Variants in L1TD1 observed in about 807,000 individuals in gnomAD.
L1TD1 encodes the protein LINE1 type transposase domain containing 1.
Under a neutral mutation model 25.7 loss-of-function variants are expected in L1TD1, and 26 were observed. The ratio of observed to expected loss-of-function variants is 1.01; its 90% CI spans 0.74 to 1.40. The LOEUF is 1.40. L1TD1 is among the 40% of genes most tolerant of loss of function. The pLI is 0.00. For synonymous variants in L1TD1, 421 were observed against 335.6 expected (o/e 1.25, Z -2.78); for missense variants, 1,130 against 975.0 (o/e 1.16, Z -2.12).
chr1:62,211,291 A>AT lies in L1TD1; in HGVS notation c.2520dup (p.Leu841SerfsTer2). 1 of 1,613,102 alleles carries AT rather than the reference A, an allele frequency of 6.2e-7. No individual in the cohort carries two copies. Among genetic ancestry groups the AT allele is most frequent in the Non-Finnish European group, 8.5e-7 (1 of 1,179,578 alleles). On this transcript the variant is annotated frameshift_variant, in exon 4 of 4. Coordinates refer to ENST00000498273, the MANE Select transcript of L1TD1 (RefSeq NM_019079.5). LOFTEE classifies it low-confidence loss of function (END_TRUNC). ...TTGATTTTAGGGGTAAAACAAAGGT[A>AT]TTTCTTAGTATTGAAGAATTTAGAG...
Position 62,211,854 on chromosome 1 carries a change from A to C in L1TD1, c.*482A>C, listed in dbSNP as rs1353496353. 6 of 152,978 alleles carry C rather than the reference A, an allele frequency of 3.9e-5. No individual in the cohort carries two copies. The highest frequency in any genetic ancestry group is 3.9e-4 in the Admixed American group (6 of 15,386). The allele number at this position is 152,978 out of a possible 1,614,324, so 9.5% of individuals were successfully genotyped here. On this transcript the variant is annotated 3_prime_UTR_variant, in exon 4 of 4. Transcript: ENST00000498273. Reference sequence around the variant, plus strand: ...GTGGCGGGCGCCTGTAGTCCCAGCTACTTGGGAGGCTGAGGCAGGAGAATG... The same window carrying C: ...GTGGCGGGCGCCTGTAGTCCCAGCTCCTTGGGAGGCTGAGGCAGGAGAATG...
In L1TD1 at chr1:62,207,549, TTC is replaced by T. The variant is rs1403762352; in HGVS notation, c.923_924del (p.Ser308CysfsTer30). 91 of 1,551,150 alleles carry T rather than the reference TTC, an allele frequency of 5.9e-5. No homozygotes were observed. The highest frequency in any genetic ancestry group is 7.4e-5 in the Non-Finnish European group (85 of 1,146,898). ...TTAGAAAATTTGCCAGCCAAAAATCTTCTGTGAAAGAATTACTGAAAGATGTA... is the reference window on the plus strand; with the variant it reads ...TTAGAAAATTTGCCAGCCAAAAATCTTGTGAAAGAATTACTGAAAGATGTA... ...SLRKFASQKS[S>X]VKELLKDVLP... On this transcript the variant is annotated frameshift_variant, in exon 3 of 4. Transcript: ENST00000498273. LOFTEE classifies it high-confidence loss of function.
chr1:62,211,365 T>A lies in L1TD1; in HGVS notation c.2591T>A (p.Ile864Lys), dbSNP rs149332678. 1.2e-6 allele frequency: 2 copies of A among 1,601,536 alleles called. No individual in the cohort carries two copies. Among genetic ancestry groups the A allele is most frequent in the South Asian group, 1.1e-5 (1 of 88,554 alleles). The change falls in exon 4 of 4, where the codon ATA becomes AAA. Residue 864 changes from isoleucine (I) to lysine (K), a missense_variant. By Grantham distance (102) the Ile-to-Lys change is moderately radical (BLOSUM62 -3). Transcript: ENST00000498273. ...TTGAGAGAATTACTGGGGAATAATA[T>A]ACCTTAGCACGCCAGGGTGACTACA... Reference protein sequence around the residue: ...PTLRELLGNNIP With the variant: ...PTLRELLGNNKP
intron 2 of L1TD1, among the ~76,000 whole-genome samples, chr1:62,197,294 G>A (rs1313244742): frequency 2.6e-5 from 4 of 151,268 alleles, no homozygotes; most frequent in Admixed American, 6.6e-5. Context: ...GGCTGAGGCA[G>A]GAGAATCGCT....
rs1557443556 is a variant in L1TD1 at position 62,205,428 on chromosome 1, TA to T, written c.-110-1090del. On this transcript the variant is annotated intron_variant, in intron 2 of 3. Transcript: ENST00000498273. The stretch of plus-strand genomic sequence containing the variant: ...CTCTCTCTCTCTCTCTATATATATA[TA>T]TATATATATATATATTTTTTTTTAG... 4.5e-4 allele frequency among the ~76,000 whole-genome samples: 32 copies of T among 71,038 alleles called. 2 individuals carry two copies. The highest frequency in any genetic ancestry group is 1.3e-3 in the African/African-American group (25 of 19,736). The allele number at this position is 71,038 out of a possible 152,430, so 46.6% of individuals were successfully genotyped here.
At chr1:62,195,113 G>C (rs1213112544) in intron 1 of L1TD1, among the ~76,000 whole-genome samples, 192 bp downstream of exon 1, 1 of 151,558 alleles carries the variant, frequency 6.6e-6, no homozygotes, top group African/African-American at 2.4e-5. Flanking sequence ...GGGGTCCGCA[G>C]CGCCCCAAGT....
At chr1:62,206,488 G>A in intron 2 of L1TD1, 31 bp from the exon 3 acceptor site, 1 of 830,272 alleles carries the variant, frequency 1.2e-6, no homozygotes, top group Non-Finnish European at 1.7e-6. Flanking sequence ...GAATTCTTTA[G>A]TAAGTAATTT....
Position 62,206,552 on chromosome 1 carries a change from A to C in L1TD1, c.-77A>C. 3.8e-6 allele frequency: 5 copies of C among 1,309,936 alleles called. No individual in the cohort carries two copies. The highest frequency in any genetic ancestry group is 5.0e-6 in the Non-Finnish European group (5 of 1,008,372). The allele number at this position is 1,309,936 out of a possible 1,614,324, so 81.1% of individuals were successfully genotyped here. Reference sequence around the variant, plus strand: ...ATTTTAAGATTTTTTTAACTTCTGAAGTCTAGCAGGCCTGTAAGAACAAAA... The same window carrying C: ...ATTTTAAGATTTTTTTAACTTCTGACGTCTAGCAGGCCTGTAAGAACAAAA... On this transcript the variant is annotated 5_prime_UTR_variant, in exon 3 of 4. Transcript: ENST00000498273.
rs1267051834 is a variant in L1TD1 at position 62,206,530 on chromosome 1, T to C, written c.-99T>C. On this transcript the variant is annotated 5_prime_UTR_variant, in exon 3 of 4. Coordinates refer to ENST00000498273, the MANE Select transcript of L1TD1 (RefSeq NM_019079.5). ...TTTTTGTATTTCAGATTGACGTATT[T>C]TAAGATTTTTTTAACTTCTGAAGTC... is the stretch of plus-strand genomic sequence containing the variant. 1 of 1,196,732 alleles carries C rather than the reference T, an allele frequency of 8.4e-7. No individual in the cohort carries two copies. Among genetic ancestry groups the C allele is most frequent in the East Asian group, 2.7e-5 (1 of 36,594 alleles). 74.1% of individuals were successfully genotyped at this position (1,196,732 alleles called of 1,614,324 possible).
intron 2 of L1TD1, among the ~76,000 whole-genome samples, chr1:62,197,732 T>G (rs1309615660): frequency 6.6e-6 from 1 of 151,818 alleles, no homozygotes; most frequent in Admixed American, 6.6e-5. Flanking sequence ...AAAAATTAGC[T>G]GGGTGCAGTG....
intron 1 of L1TD1, among the ~76,000 whole-genome samples, chr1:62,196,094 C>CTTTTGCAT (rs1670533968): frequency 6.6e-6 from 1 of 152,074 alleles, no homozygotes; most frequent in African/African-American, 2.4e-5. Flanking sequence ...GAAGTAATAA[C>CTTTTGCAT]TTTTGCATTT....
At chr1:62,200,780 C>A (rs1487883906) in intron 2 of L1TD1, among the ~76,000 whole-genome samples, 1 of 152,046 alleles carries the variant, frequency 6.6e-6, no homozygotes, top group Non-Finnish European at 1.5e-5. Flanking sequence ...ACTATTCCTA[C>A]TTCTGATGGG....
chr1:62,207,730 G>C, intron 3 of L1TD1, 94 bp downstream of exon 3: 3 of 1,389,566 alleles, frequency 2.2e-6, no homozygotes, highest in Middle Eastern at 2.7e-4. Context: ...TTTTTTTCTT[G>C]AGATGGAGTT....
At chr1:62,204,770 G>A (rs12745952) in intron 2 of L1TD1, among the ~76,000 whole-genome samples, 28,083 of 151,908 alleles carry the variant, frequency 0.18, 3,228 homozygotes, top group Middle Eastern at 0.3. Flanking sequence ...AGCTGCTTAT[G>A]TGATTCTTAT....
chr1:62,198,403 A>G (rs1166698174), intron 2 of L1TD1, among the ~76,000 whole-genome samples: 2 of 151,664 alleles, frequency 1.3e-5, no homozygotes, highest in Admixed American at 1.3e-4. Flanking sequence ...CTCAGAGGTC[A>G]GATAATAGAG....
In L1TD1 at chr1:62,211,092, T is replaced by A. The variant is rs753452754; in HGVS notation, c.2318T>A (p.Ile773Lys). Residue 773 changes from isoleucine (I) to lysine (K), a missense_variant, in exon 4 of 4, where the codon ATA becomes AAA. Ile to Lys is a moderately radical substitution (Grantham distance 102). Transcript: ENST00000498273. The part of the protein sequence containing the change: ...KFWNSSDKEK[I>K]IRASRERREI... ...TGGAATTCTAGTGATAAAGAGAAAA[T>A]AATAAGGGCTTCTAGAGAGAGAAGA... 1.6e-5 allele frequency: 25 copies of A among 1,550,300 alleles called. No individual in the cohort carries two copies. The highest frequency in any genetic ancestry group is 1.1e-4 in the South Asian group (9 of 83,696).
Position 62,211,059 on chromosome 1 carries a change from T to C in L1TD1, c.2285T>C (p.Val762Ala). The change falls in exon 4 of 4, where the codon GTG (valine) becomes GCG (alanine). Residue 762 changes from valine (V) to alanine (A), a missense_variant. By Grantham distance (64) the Val-to-Ala change is moderately conservative (BLOSUM62 0). Transcript: ENST00000498273. ...AGACTGACTCCTAGACACATCTTGG[T>C]GAAATTTTGGAATTCTAGTGATAAA... ...EKRLTPRHILVKFWNSSDKEK... is the reference protein window; with the variant it reads ...EKRLTPRHILAKFWNSSDKEK... 3 of 1,551,028 alleles carry C rather than the reference T, an allele frequency of 1.9e-6. No homozygotes were observed. Among genetic ancestry groups the C allele is most frequent in the Non-Finnish European group, 2.6e-6 (3 of 1,146,894 alleles).
At position 62,210,271 on chromosome 1, in the gene L1TD1, G is replaced by GA. The variant is rs752779955; in HGVS notation, c.1503dup (p.Ala502SerfsTer4). The GA allele has an allele frequency of 1.2e-6, 2 of 1,614,062 alleles. No homozygotes were observed. Among genetic ancestry groups the GA allele is most frequent in the Admixed American group, 1.7e-5 (1 of 60,000 alleles). ...AGGTAAAGACTACCTCCCTGACTGA[G>GA]AAAAAAGCCTCACGTAGACAAAAAG... On this transcript the variant is annotated frameshift_variant, in exon 4 of 4. Transcript: ENST00000498273. LOFTEE classifies it low-confidence loss of function (END_TRUNC).
At position 62,210,951 on chromosome 1, in the gene L1TD1, A is replaced by G; in HGVS notation, c.2177A>G (p.Asp726Gly). 1 of 1,545,582 alleles carries G rather than the reference A, an allele frequency of 6.5e-7. No homozygotes were observed. The highest frequency in any genetic ancestry group is 1.4e-5 in the African/African-American group (1 of 72,638). ...RAEDIIKEII[D>G]ENFAELKKGS... The stretch of plus-strand genomic sequence containing the variant: ...GAGGACATAATTAAAGAAATAATTG[A>G]TGAAAACTTTGCAGAACTAAAGAAA... Residue 726 changes from aspartate to glycine, a missense_variant, in exon 4 of 4, where the codon GAT becomes GGT. By Grantham distance (94) the Asp-to-Gly change is moderately conservative. Coordinates refer to ENST00000498273, the MANE Select transcript of L1TD1 (RefSeq NM_019079.5).
Sources: gnomAD v4.1 joint callset for allele counts (sites outside exome capture counted in the v4.1 genomes callset) on GRCh38, gnomAD v4.1.1 for gene constraint, MANE v1.5 for transcripts, NCBI Gene and HGNC (gene_info 2026-07-23, HGNC 2026-07-21) for gene names.